ARID1B: variants seen among roughly 807,000 people sequenced by gnomAD.
ARID1B encodes the protein AT-rich interactive domain-containing protein 1B.
Under a neutral mutation model 212.3 loss-of-function variants are expected in ARID1B, and 30 were observed. The ratio of observed to expected loss-of-function variants is 0.14; its 90% confidence interval spans 0.11 to 0.19. The LOEUF is 0.19. Ranked by LOEUF, ARID1B falls within the 10% of genes least tolerant of loss-of-function variation. The pLI is 1.00. For synonymous variants in ARID1B, 1,402 were observed against 1,301.7 expected (o/e 1.08, Z -1.66); for missense variants, 2,891 against 3,204.0 (o/e 0.90, Z 2.36).
chr6:157,182,995 T>C (rs767505821), intron 12 of ARID1B, among the ~76,000 whole-genome samples: 1 of 152,182 alleles, frequency 6.6e-6, no homozygotes, highest in Non-Finnish European at 1.5e-5. Flanking sequence ...TTACTGTGAC[T>C]GTGTCCACAG....
intron 3 of ARID1B, among the ~76,000 whole-genome samples, chr6:156,925,561 C>A (rs1791148499): frequency 6.6e-6 from 1 of 151,918 alleles, no homozygotes; most frequent in Admixed American, 6.6e-5. Context: ...ATAATTATTC[C>A]TTTGAATTGA....
chr6:156,978,552 C>T (rs992438101), intron 4 of ARID1B, among the ~76,000 whole-genome samples: 1 of 152,124 alleles, frequency 6.6e-6, no homozygotes, highest in Admixed American at 6.5e-5. Flanking sequence ...ATGGAAGTCC[C>T]TTTATACAGT....
At chr6:156,904,575 C>A (rs1161259248) in intron 3 of ARID1B, among the ~76,000 whole-genome samples, 2 of 152,200 alleles carry the variant, frequency 1.3e-5, no homozygotes, top group Admixed American at 1.3e-4. Flanking sequence ...ATTCACACTC[C>A]CATCTGCACG....
intron 4 of ARID1B, among the ~76,000 whole-genome samples, chr6:156,954,157 A>G (rs1793787526): frequency 6.6e-6 from 1 of 151,926 alleles, no homozygotes; most frequent in African/African-American, 2.4e-5. Flanking sequence ...TTCAGAGGAG[A>G]CAAAGTTCTA....
chr6:157,110,568 C>T lies in ARID1B; in HGVS notation c.2581+7C>T. 1 of 1,613,916 alleles carries T rather than the reference C, an allele frequency of 6.2e-7. No individual in the cohort carries two copies. The highest frequency in any genetic ancestry group is 8.5e-7 in the Non-Finnish European group (1 of 1,179,776). On this transcript the variant is annotated splice_region_variant and intron_variant, in intron 6 of 19. Transcript: ENST00000636930. The stretch of plus-strand genomic sequence containing the variant: ...CCAATGCCACAGGAAAGAGGTTCGT[C>T]TCCAGTTCATGTCTTACATGCCTAT...
At chr6:156,882,191 GGAGT>G (rs1787153133) in intron 2 of ARID1B, among the ~76,000 whole-genome samples, 1 of 152,038 alleles carries the variant, frequency 6.6e-6, no homozygotes, top group South Asian at 2.1e-4. Context: ...TAGTTGAAAG[GGAGT>G]CCTCCCTCTC....
At chr6:156,781,344 C>T (rs1356377691) in intron 1 of ARID1B, among the ~76,000 whole-genome samples, 1 of 151,868 alleles carries the variant, frequency 6.6e-6, no homozygotes, top group African/African-American at 2.4e-5. Flanking sequence ...ACTGCTTACA[C>T]GATGAATTAG....
In ARID1B at chr6:157,184,383, C is replaced by G. The variant is rs1024486739; in HGVS notation, c.3867C>G (p.Val1289=). 6 of 1,614,170 alleles carry G rather than the reference C, an allele frequency of 3.7e-6. No homozygotes were observed. In the Admixed American group the frequency reaches 1.0e-4, roughly 27 times the overall value. The change falls in exon 13 of 20, where the codon GTC becomes GTG. Residue 1289 remains valine (V), a synonymous_variant. Coordinates refer to ENST00000636930, the MANE Select transcript of ARID1B (RefSeq NM_001374828.1). ...GTGGGGAGGAGCCCCCGCCGGAAGT[C>G]TTCAGCACCGGGGACACCAAAAAGC... ...IERGEEPPPE[V]FSTGDTKKQP...
At chr6:156,925,376 C>A (rs73576028) in intron 3 of ARID1B, among the ~76,000 whole-genome samples, 5,241 of 152,086 alleles carry the variant, frequency 0.034, 283 homozygotes, top group African/African-American at 0.11. Context: ...GGGTATGGTG[C>A]CACACACCTG....
intron 4 of ARID1B, among the ~76,000 whole-genome samples, chr6:157,018,581 A>C (rs974928708): frequency 2.6e-5 from 4 of 152,168 alleles, no homozygotes; most frequent in Admixed American, 6.5e-5. Context: ...TTACCCATCT[A>C]CATGTGAGAC....
chr6:157,005,970 C>T (rs774353367), intron 4 of ARID1B, among the ~76,000 whole-genome samples: 54 of 152,212 alleles, frequency 3.5e-4, no homozygotes, highest in Middle Eastern at 3.4e-3. Context: ...TATATATTCA[C>T]GTTTTCTCCC....
At chr6:157,011,782 T>A (rs1189694589) in intron 4 of ARID1B, among the ~76,000 whole-genome samples, 1 of 152,246 alleles carries the variant, frequency 6.6e-6, no homozygotes, top group Non-Finnish European at 1.5e-5. Context: ...TACCTTATTT[T>A]GGTTGATACC....
At chr6:157,131,023 C>T (rs1473938889) in intron 6 of ARID1B, among the ~76,000 whole-genome samples, 8 of 152,190 alleles carry the variant, frequency 5.3e-5, no homozygotes, top group Admixed American at 2.6e-4. Context: ...TCTATGAACT[C>T]GCTTCCATTT....
intron 4 of ARID1B, among the ~76,000 whole-genome samples, chr6:157,039,318 A>ATTTTTTTTT (rs1215591720): frequency 4.4e-5 from 5 of 112,822 alleles, no homozygotes; most frequent in African/African-American, 1.5e-4. Context: ...GAAATTTGAC[A>ATTTTTTTTT]TTTCTTTTTT....
intron 4 of ARID1B, among the ~76,000 whole-genome samples, chr6:156,998,147 CA>C (rs759777974): frequency 2.0e-5 from 3 of 151,644 alleles, no homozygotes; most frequent in Non-Finnish European, 4.4e-5. Context: ...CGTGATATGA[CA>C]GTAGAGTGTG....
At chr6:156,947,803 A>G (rs17321729) in intron 4 of ARID1B, among the ~76,000 whole-genome samples, 28,650 of 152,210 alleles carry the variant, frequency 0.19, 3,121 homozygotes, top group Non-Finnish European at 0.24. Flanking sequence ...TGTATAAGCT[A>G]AAGATGAAAC....
At chr6:156,969,880 T>G (rs961093255) in intron 4 of ARID1B, among the ~76,000 whole-genome samples, 1 of 141,098 alleles carries the variant, frequency 7.1e-6, no homozygotes, top group African/African-American at 2.7e-5. Flanking sequence ...GTTTATTTCT[T>G]ATTATATAAT....
intron 2 of ARID1B, among the ~76,000 whole-genome samples, chr6:156,832,331 G>A (rs1783199015): frequency 6.6e-6 from 1 of 152,152 alleles, no homozygotes; most frequent in South Asian, 2.1e-4. Flanking sequence ...TCTTCCCCTA[G>A]GATTAATGTA....
chr6:157,063,352 C>T (rs935210970), intron 4 of ARID1B, among the ~76,000 whole-genome samples: 1 of 152,126 alleles, frequency 6.6e-6, no homozygotes, highest in African/African-American at 2.4e-5. Flanking sequence ...GAGGCAGGTG[C>T]TCTCATGCCC....
Sources: allele counts gnomAD v4.1 joint callset (sites outside exome capture counted in the v4.1 genomes callset), GRCh38; gene constraint gnomAD v4.1.1; transcripts MANE v1.5; gene names NCBI Gene and HGNC (gene_info 2026-07-23, HGNC 2026-07-21).